The following USP25 variants were observed in gnomAD, a reference collection of about 807,000 sequenced individuals.
The protein encoded by USP25 is ubiquitin specific peptidase 25.
In USP25, 85 loss-of-function variants were observed where a neutral mutation model predicts 158.5. That is an observed-to-expected ratio of 0.54 (90% confidence interval 0.45 to 0.64). The LOEUF (loss-of-function observed/expected upper bound fraction) is 0.64, where lower values mean the gene tolerates loss of function less well. USP25 is among the 30% of genes least tolerant of loss of function. The probability of loss-of-function intolerance (pLI) is 0.00; values close to 1 mark genes in which losing one functional copy is unlikely to be tolerated. For missense variants in USP25, 1,242 were observed against 1,327.3 expected (o/e 0.94, Z 1.00); for synonymous variants, 464 against 460.4 (o/e 1.01, Z -0.10).
intron 3 of USP25, among the ~76,000 whole-genome samples, chr21:15,768,871 A>G (rs2034188448): frequency 6.6e-6 from 1 of 152,206 alleles, no homozygotes; most frequent in Non-Finnish European, 1.5e-5. Context: ...ACCAGGGCTA[A>G]AGCAGAAACA....
chr21:15,825,174 T>C (rs1199699234), intron 12 of USP25, 113 bp downstream of exon 12: 1 of 716,900 alleles, frequency 1.4e-6, no homozygotes, highest in East Asian at 2.9e-5. Flanking sequence ...GAGTAGTTAA[T>C]ATTGTGTGAA....
chr21:15,827,103 G>A lies in USP25; in HGVS notation c.1593G>A (p.Leu531=). ...PFTQSRIPPD[L]PMHPAPRHIT... is the part of the protein sequence containing the mutation. The stretch of plus-strand genomic sequence containing the variant: ...CTCAGTCCCGGATACCTCCAGATTT[G>A]CCCATGCATCCGGCACCAAGGCACA... The change falls in exon 14 of 26, where the codon TTG becomes TTA. Residue 531 remains leucine, a synonymous_variant. Coordinates refer to ENST00000400183, the MANE Select transcript of USP25 (RefSeq NM_001283041.3). 6.2e-7 allele frequency: 1 copy of A among 1,614,078 alleles called. No homozygotes were observed. Among genetic ancestry groups the A allele is most frequent in the Non-Finnish European group, 8.5e-7 (1 of 1,180,006 alleles).
At chr21:15,741,260 TC>T (rs2032029103) in intron 1 of USP25, among the ~76,000 whole-genome samples, 1 of 151,870 alleles carries the variant, frequency 6.6e-6, no homozygotes, top group Non-Finnish European at 1.5e-5. Flanking sequence ...TATTCTCACA[TC>T]TGTGTATTCA....
rs1238649020 is a variant in USP25, at chr21:15,877,948, T to C, written c.3162T>C (p.Asp1054=). Residue 1054 remains aspartate (D), a synonymous_variant, in exon 25 of 26, where the codon GAT becomes GAC. Coordinates refer to ENST00000400183, the MANE Select transcript of USP25 (RefSeq NM_001283041.3). ...MEEKDILAVE[D]MRNRWCSYLG... ...AAAAGGATATACTAGCTGTAGAAGA[T>C]ATGAGAAATCGATGGTGTTCCTACC... 4 of 1,613,060 alleles carry C rather than the reference T, an allele frequency of 2.5e-6. No individual in the cohort carries two copies. Among genetic ancestry groups the C allele is most frequent in the Admixed American group, 3.3e-5 (2 of 59,724 alleles).
intron 22 of USP25, among the ~76,000 whole-genome samples, chr21:15,868,122 TTTC>T (rs1383045824): frequency 6.6e-6 from 1 of 152,190 alleles, no homozygotes; most frequent in Non-Finnish European, 1.5e-5. Context: ...TAAAATTTGA[TTTC>T]TTCTTTATTC....
chr21:15,815,288 A>G lies in USP25; in HGVS notation c.932-3410A>G, dbSNP rs151312239. Among the ~76,000 whole-genome samples the G allele has an allele frequency of 2.1e-3, 315 of 152,288 alleles. 1 individual carries two copies. The highest frequency in any genetic ancestry group is 0.014 in the Middle Eastern group (4 of 294). On this transcript the variant is annotated intron_variant, in intron 9 of 25. Transcript: ENST00000400183. ...TACAGAGTTGGGGTCCTCATGGACAACCTCTGCTAGGGCAGTACGGAAGAG... is the reference window on the plus strand; with the variant it reads ...TACAGAGTTGGGGTCCTCATGGACAGCCTCTGCTAGGGCAGTACGGAAGAG...
At chr21:15,778,143 A>G in intron 4 of USP25, 116 bp downstream of exon 4, 1 of 955,014 alleles carries the variant, frequency 1.0e-6, no homozygotes, top group Non-Finnish European at 1.4e-6. Flanking sequence ...TAAACTAGTA[A>G]TATGCTTGTG....
chr21:15,831,851 T>C (rs553308317), intron 16 of USP25, among the ~76,000 whole-genome samples: 18 of 152,320 alleles, frequency 1.2e-4, no homozygotes, highest in Admixed American at 1.1e-3. Flanking sequence ...ATGACCTTTT[T>C]CGTCCTTGCT....
chr21:15,851,195 G>A (rs1039475752), intron 20 of USP25, among the ~76,000 whole-genome samples: 1 of 151,036 alleles, frequency 6.6e-6, no homozygotes, highest in Non-Finnish European at 1.5e-5. Flanking sequence ...CAGTGCCATT[G>A]TCATTTCTGA....
intron 9 of USP25, among the ~76,000 whole-genome samples, chr21:15,814,243 T>A (rs535842938): frequency 1.3e-5 from 2 of 151,344 alleles, no homozygotes; most frequent in South Asian, 4.2e-4. Flanking sequence ...TTCTGAGGCC[T>A]CCCCAGCCAT....
intron 2 of USP25, among the ~76,000 whole-genome samples, chr21:15,765,660 G>A (rs186775712): frequency 3.0e-4 from 45 of 152,040 alleles, no homozygotes; most frequent in Admixed American, 3.9e-4. Flanking sequence ...GCACTCTTTC[G>A]TATGGCAAGT....
chr21:15,848,144 T>TAA (rs1238447097), intron 19 of USP25, among the ~76,000 whole-genome samples: 1 of 152,196 alleles, frequency 6.6e-6, no homozygotes, highest in African/African-American at 2.4e-5. Flanking sequence ...TGGAATTACT[T>TAA]ATAATCCTTT....
intron 20 of USP25, among the ~76,000 whole-genome samples, chr21:15,862,332 T>A (rs529564158): frequency 2.6e-5 from 4 of 152,176 alleles, no homozygotes; most frequent in Non-Finnish European, 5.9e-5. Context: ...GGATTTTGGA[T>A]TTTTGGATTC....
intron 17 of USP25, among the ~76,000 whole-genome samples, chr21:15,836,098 T>C (rs2038051228): frequency 1.3e-5 from 2 of 152,164 alleles, no homozygotes; most frequent in Non-Finnish European, 1.5e-5. Context: ...ATCTGTATTT[T>C]AATCTCTCAG....
intron 1 of USP25, among the ~76,000 whole-genome samples, chr21:15,734,386 A>G (rs2031277873): frequency 6.6e-6 from 1 of 152,238 alleles, no homozygotes; most frequent in Non-Finnish European, 1.5e-5. Flanking sequence ...TTTAAATGTT[A>G]CTTAAAGGAG....
chr21:15,761,347 T>G (rs1313372589), intron 1 of USP25, among the ~76,000 whole-genome samples: 1 of 152,170 alleles, frequency 6.6e-6, no homozygotes, highest in Non-Finnish European at 1.5e-5. Flanking sequence ...AGGCAACCAT[T>G]AGGCGGTGGT....
intron 4 of USP25, among the ~76,000 whole-genome samples, chr21:15,782,953 T>A (rs1250851885): frequency 6.6e-6 from 1 of 151,896 alleles, no homozygotes; most frequent in Non-Finnish European, 1.5e-5. Context: ...TTCAAAATAA[T>A]GACATTAAAG....
At chr21:15,856,234 T>A (rs1405952929) in intron 20 of USP25, among the ~76,000 whole-genome samples, 1 of 152,122 alleles carries the variant, frequency 6.6e-6, no homozygotes, top group African/African-American at 2.4e-5. Flanking sequence ...GAACATAAAA[T>A]AAGAAAACAG....
intron 1 of USP25, among the ~76,000 whole-genome samples, chr21:15,742,200 T>A (rs1464061012): frequency 6.6e-6 from 1 of 152,062 alleles, no homozygotes; most frequent in Admixed American, 6.5e-5. Context: ...TGTTGGGTTT[T>A]TGTTGTTGCT....
Sources: gnomAD v4.1 joint callset for allele counts (sites outside exome capture counted in the v4.1 genomes callset) on GRCh38, gnomAD v4.1.1 for gene constraint, MANE v1.5 for transcripts, NCBI Gene and HGNC (gene_info 2026-07-23, HGNC 2026-07-21) for gene names.